ACAP3: variants seen among roughly 807,000 people sequenced by gnomAD.
ACAP3 encodes ArfGAP with coiled-coil, ankyrin repeat and PH domains 3, also known as arf-GAP with coiled-coil, ANK repeat and PH domain-containing protein 3.
A neutral mutation model predicts 104.1 loss-of-function variants in ACAP3; 56 were observed. The observed-to-expected ratio is 0.54, with a 90% CI of 0.43 to 0.67. The LOEUF is 0.67. Ranked by LOEUF, ACAP3 falls within the 30% of genes least tolerant of loss-of-function variation. ACAP3 has a pLI of 0.00. For synonymous variants in ACAP3, 628 were observed against 496.2 expected, an observed-to-expected ratio of 1.27 and a Z score of -3.53; for missense variants, 1,208 against 1,174.9, an observed-to-expected ratio of 1.03 and a Z score of -0.41.
intron 1 of ACAP3, chr1:1,307,247 C>T (rs1641768272): frequency 7.8e-7 from 1 of 1,287,930 alleles, no homozygotes; most frequent in South Asian, 1.2e-5. Context: ...ACCCCTACCC[C>T]CTACCTGACC....
intron 19 of ACAP3, 94 bp from the exon 20 acceptor site, chr1:1,294,910 G>T: frequency 7.7e-7 from 1 of 1,301,024 alleles, no homozygotes; most frequent in Non-Finnish European, 1.1e-6. Flanking sequence ...CACCCTCCAG[G>T]GGCCACCCCT....
chr1:1,299,924 G>T lies in ACAP3; in HGVS notation c.664-19C>A. 2.5e-6 allele frequency: 4 copies of T among 1,592,084 alleles called. No homozygotes were observed. Among genetic ancestry groups the T allele is most frequent in the Non-Finnish European group, 2.6e-6 (3 of 1,164,682 alleles). ...GGTCCAGCTGTTGGGGGTGGCATTA[G>T]GGAAGGTCACGGAGGCCTGGCCCAG... On this transcript the variant is annotated intron_variant, in intron 8 of 23. Transcript: ENST00000354700.
rs780298314 is a variant in ACAP3, at chr1:1,293,251, C to T, written c.*313G>A. 2.0e-5 allele frequency: 4 copies of T among 202,992 alleles called. No individual in the cohort carries two copies. The highest frequency in any genetic ancestry group is 6.1e-5 in the Admixed American group (1 of 16,372). The allele number at this position is 202,992 out of a possible 1,614,324, so 12.6% of individuals were successfully genotyped here. On this transcript the variant is annotated 3_prime_UTR_variant, in exon 24 of 24. Coordinates refer to ENST00000354700, the MANE Select transcript of ACAP3 (RefSeq NM_030649.3). ...GACACAGGGACACAGGTGACACGGG[C>T]CTTAAAAGTGGCTTGTGACATGAGC...
chr1:1,306,268 G>A (rs990461236), intron 1 of ACAP3, among the ~76,000 whole-genome samples: 1 of 152,088 alleles, frequency 6.6e-6, no homozygotes, highest in African/African-American at 2.4e-5. Flanking sequence ...ACCCCCACAC[G>A]ACTGGAAGAG....
rs1428112250 is a variant in ACAP3 at position 1,298,628 on chromosome 1, C to A, written c.802G>T (p.Gly268Trp). The A allele has an allele frequency of 1.2e-6, 2 of 1,612,480 alleles. No homozygotes were observed. Among genetic ancestry groups the A allele is most frequent in the Non-Finnish European group, 1.7e-6 (2 of 1,179,814 alleles). Residue 268 changes from glycine (G) to tryptophan (W), a missense_variant, in exon 11 of 24, where the codon GGG becomes TGG. By Grantham distance (184) the Gly-to-Trp change is radical. Transcript: ENST00000354700. The stretch of plus-strand genomic sequence containing the variant: ...AAGAGGTAGCCCTCCATCACCACCC[C>A]ACTGGGCGCGTCCACGTCAAACTCC... ...KVEFDVDAPS[G>W]VVMEGYLFKR...
Position 1,307,706 on chromosome 1 carries a change from G to A in ACAP3, c.47+63C>T, listed in dbSNP as rs919427429. On this transcript the variant is annotated intron_variant, in intron 1 of 23. Coordinates refer to ENST00000354700, the MANE Select transcript of ACAP3 (RefSeq NM_030649.3). ...GCGCTGACCTCCCCACCCCGCCGCC[G>A]GGCACAAAGGCGACAGCGACGCCCC... The A allele has an allele frequency of 6.5e-6, 7 of 1,068,838 alleles. No individual in the cohort carries two copies. In the African/African-American group the frequency reaches 8.5e-5, roughly 13 times the overall value. 66.2% of individuals were successfully genotyped at this position (1,068,838 alleles called of 1,614,324 possible).
intron 19 of ACAP3, chr1:1,295,081 C>T (rs534355589): frequency 7.2e-6 from 4 of 557,948 alleles, no homozygotes; most frequent in Admixed American, 6.7e-5. Flanking sequence ...TTACCCGGCA[C>T]CCCCCGCAGT....
At chr1:1,296,766 C>A (rs1641181899) in intron 14 of ACAP3, 133 bp from the exon 15 acceptor site, 2 of 923,478 alleles carry the variant, frequency 2.2e-6, no homozygotes, top group Non-Finnish European at 3.3e-6. Flanking sequence ...CACGCACGTA[C>A]ACGCGCACAC....
rs1468346830 is a variant in ACAP3, at chr1:1,300,175, ACTT to A, written c.547_549del (p.Lys183del). 11 of 1,610,312 alleles carry A rather than the reference ACTT, an allele frequency of 6.8e-6. No individual in the cohort carries two copies. Among genetic ancestry groups the A allele is most frequent in the Non-Finnish European group, 9.3e-6 (11 of 1,178,648 alleles). On this transcript the variant is annotated inframe_deletion, in exon 7 of 24. Transcript: ENST00000354700. ...GCACTCACAGAGTCCAGGATCTCAA[ACTT>A]CTTCTTGGCCTGCAGAACATTGATC... is the stretch of plus-strand genomic sequence containing the variant.
At chr1:1,294,906 C>A in intron 19 of ACAP3, 90 bp from the exon 20 acceptor site, 1 of 1,311,078 alleles carries the variant, frequency 7.6e-7, no homozygotes, top group Non-Finnish European at 1.1e-6. Context: ...CACCCACCCT[C>A]CAGGGGCCAC....
Position 1,295,457 on chromosome 1 carries a change from AGCCCCTGCG to A in ACAP3, c.1794_1802del (p.Ala599_Ala601del), listed in dbSNP as rs756843050. On this transcript the variant is annotated inframe_deletion, in exon 19 of 24. Transcript: ENST00000354700. ...CCACCCCACACTTACTGCGAGGGCC[AGCCCCTGCG>A]GCCCCTGCGTCGAAGTAGGAGAAGA... 33 of 1,612,354 alleles carry A rather than the reference AGCCCCTGCG, an allele frequency of 2.0e-5. 1 individual carries two copies. Among genetic ancestry groups the A allele is most frequent in the South Asian group, 7.7e-5 (7 of 91,080 alleles).
chr1:1,293,757 C>A, intron 23 of ACAP3, 49 bp from the exon 24 acceptor site: 1 of 1,484,204 alleles, frequency 6.7e-7, no homozygotes, highest in African/African-American at 1.5e-5. Context: ...GGCCCCGCCC[C>A]TGCCCTGGAG....
chr1:1,303,661 C>T lies in ACAP3; in HGVS notation c.106-380G>A, dbSNP rs1194472367. The stretch of plus-strand genomic sequence containing the variant: ...GGCTCATGGACACGGCTCCCCTCTC[C>T]ACGGCCTGTTGCCCCCTCTTTCTCA... On this transcript the variant is annotated intron_variant, in intron 2 of 23. Coordinates refer to ENST00000354700, the MANE Select transcript of ACAP3 (RefSeq NM_030649.3). The surrounding 1 kb of genome is among the most constrained non-coding windows in gnomAD (Gnocchi z 4.0). 4 of 353,354 alleles carry T rather than the reference C, an allele frequency of 1.1e-5. 1 individual carries two copies. Among genetic ancestry groups the T allele is most frequent in the African/African-American group, 6.2e-5 (2 of 32,352 alleles). 21.9% of individuals were successfully genotyped at this position (353,354 alleles called of 1,614,324 possible).
chr1:1,297,986 G>C, intron 13 of ACAP3, 27 bp downstream of exon 13: 2 of 1,611,020 alleles, frequency 1.2e-6, no homozygotes, highest in Non-Finnish European at 1.7e-6. Flanking sequence ...TACGCCCCCC[G>C]CCCCACCCTG....
At position 1,300,691 on chromosome 1, in the gene ACAP3, C is replaced by A; in HGVS notation, c.340G>T (p.Asp114Tyr). 1 of 1,606,508 alleles carries A rather than the reference C, an allele frequency of 6.2e-7. No homozygotes were observed. Among genetic ancestry groups the A allele is most frequent in the East Asian group, 2.3e-5 (1 of 44,340 alleles). The change falls in exon 6 of 24, where the codon GAT becomes TAT. Residue 114 changes from aspartate to tyrosine, a missense_variant and splice_region_variant. Physicochemically the swap from Asp to Tyr is radical, Grantham distance 160 (BLOSUM62 -3). Transcript: ENST00000354700. ...RQQLQSFVKE[D>Y]VRKFKETKKQ... ...TTTGTCTCCTTGAACTTCCGCACAT[C>A]CCTGGAGGCCAAGTGCCAGGTGGGG...
chr1:1,293,580 T>G lies in ACAP3; in HGVS notation c.2489A>C (p.His830Pro). Residue 830 changes from histidine (H) to proline (P), a missense_variant, in exon 24 of 24, where the codon CAC becomes CCC. Transcript: ENST00000354700. ...TGCCCGGCCCTAGCTCTCTTCCAGG[T>G]GGAGGCTGATGAACTCCTGGATACA... ...RRCIQEFISL[H>P]LEES 3 of 1,478,678 alleles carry G rather than the reference T, an allele frequency of 2.0e-6. No homozygotes were observed. The highest frequency in any genetic ancestry group is 1.8e-6 in the Non-Finnish European group (2 of 1,117,724). The allele number at this position is 1,478,678 out of a possible 1,614,324, so 91.6% of individuals were successfully genotyped here.
At chr1:1,300,125 G>A (rs34699790) in intron 7 of ACAP3, 33 bp downstream of exon 7, 1 of 1,608,496 alleles carries the variant, frequency 6.2e-7, no homozygotes, top group South Asian at 1.1e-5. Flanking sequence ...CCAACATGCA[G>A]CCTGTGCTCA....
At chr1:1,298,769 C>A in intron 10 of ACAP3, 90 bp from the exon 11 acceptor site, 2 of 982,204 alleles carry the variant, frequency 2.0e-6, no homozygotes, top group Non-Finnish European at 3.2e-6. Context: ...GGGTGAGGTC[C>A]TTGTCTGAGG....
In ACAP3 at chr1:1,293,869, G is replaced by A. The variant is rs1299971990; in HGVS notation, c.2314C>T (p.Pro772Ser). 7.7e-6 allele frequency: 12 copies of A among 1,565,334 alleles called. No homozygotes were observed. Among genetic ancestry groups the A allele is most frequent in the South Asian group, 3.4e-5 (3 of 88,850 alleles). Reference protein sequence around the residue: ...QHALDQEQRDPLAIAVQAANA... With the variant: ...QHALDQEQRDSLAIAVQAANA... ...GCCGCCTGCACTGCGATGGCCAACGGGTCCCGCTGCTCTTGGTCCAGGGCG... is the reference window on the plus strand; with the variant it reads ...GCCGCCTGCACTGCGATGGCCAACGAGTCCCGCTGCTCTTGGTCCAGGGCG... The change falls in exon 23 of 24, where the codon CCG becomes TCG. Residue 772 changes from proline to serine, a missense_variant. Coordinates refer to ENST00000354700, the MANE Select transcript of ACAP3 (RefSeq NM_030649.3).
Sources: allele counts gnomAD v4.1 joint callset (sites outside exome capture counted in the v4.1 genomes callset), GRCh38; gene constraint gnomAD v4.1.1; non-coding constraint Gnocchi (gnomAD v3.1); transcripts MANE v1.5; gene names NCBI Gene and HGNC (gene_info 2026-07-23, HGNC 2026-07-21).